Variants in TENM2 observed in about 807,000 individuals in gnomAD.
The protein encoded by TENM2 is teneurin-2.
Under a neutral mutation model 245.2 loss-of-function variants are expected in TENM2, and 52 were observed. The observed-to-expected ratio is 0.21, with a 90% CI of 0.17 to 0.27. The LOEUF is 0.27. Among genes scored for constraint, TENM2 ranks in the 10% least tolerant of loss-of-function variants. The pLI, the probability that TENM2 is intolerant of heterozygous loss-of-function variation, is 1.00. For missense variants in TENM2, 3,046 were observed against 3,666.8 expected, an observed-to-expected ratio of 0.83 and a Z score of 4.37; for synonymous variants, 1,363 against 1,438.9, an observed-to-expected ratio of 0.95 and a Z score of 1.19.
At chr5:167,232,355 C>T in the TENM2 span, among the ~76,000 whole-genome samples, 12 of 150,998 alleles carry the variant, frequency 7.9e-5, no homozygotes, top group African/African-American at 2.9e-4. Context: ...AACTGTGAGT[C>T]CATTAAACCT....
chr5:168,053,426 T>C (rs1164907905), intron 6 of TENM2, among the ~76,000 whole-genome samples: 1 of 152,202 alleles, frequency 6.6e-6, no homozygotes, highest in Non-Finnish European at 1.5e-5. Flanking sequence ...TCTTTCAGAA[T>C]TGACTTGTAC....
intron 2 of TENM2, among the ~76,000 whole-genome samples, chr5:167,446,091 G>GA (rs1765190436): frequency 6.6e-6 from 1 of 152,038 alleles, no homozygotes; most frequent in South Asian, 2.1e-4. Flanking sequence ...CTTGTTTCCG[G>GA]GTAATCACTT....
At chr5:167,784,321 ATG>A (rs1764418003) in intron 2 of TENM2, among the ~76,000 whole-genome samples, 1 of 152,208 alleles carries the variant, frequency 6.6e-6, no homozygotes, top group Non-Finnish European at 1.5e-5. Flanking sequence ...AAACAGAACA[ATG>A]TGTGTGAATA....
chr5:168,040,598 G>A (rs995898237), intron 5 of TENM2, among the ~76,000 whole-genome samples: 1 of 152,124 alleles, frequency 6.6e-6, no homozygotes, highest in Non-Finnish European at 1.5e-5. Flanking sequence ...GGTTAGAAAA[G>A]GATTTTTGGT....
At chr5:168,062,337 C>A (rs987627726) in intron 7 of TENM2, 72 bp downstream of exon 9, 4 of 1,160,818 alleles carry the variant, frequency 3.4e-6, no homozygotes, top group African/African-American at 1.5e-5. Context: ...GTATATATGC[C>A]ACTTCACATC....
At chr5:168,109,751 T>G (rs891931) in intron 9 of TENM2, among the ~76,000 whole-genome samples, 2 of 152,046 alleles carry the variant, frequency 1.3e-5, no homozygotes, top group Non-Finnish European at 2.9e-5. Flanking sequence ...CCCTTGAACT[T>G]TGCTTGGACT....
intron 2 of TENM2, among the ~76,000 whole-genome samples, chr5:167,528,817 C>A (rs568586070): frequency 6.6e-6 from 1 of 152,222 alleles, no homozygotes; most frequent in Non-Finnish European, 1.5e-5. Flanking sequence ...TCTTCACATC[C>A]TTGTCTCTCC....
chr5:167,505,866 G>A (rs960841793), intron 2 of TENM2, among the ~76,000 whole-genome samples: 34 of 152,090 alleles, frequency 2.2e-4, no homozygotes, highest in Admixed American at 1.7e-3. Flanking sequence ...TTGGATGAAG[G>A]AAGTCTGTCT....
At chr5:167,717,602 A>T (rs1278799070) in intron 2 of TENM2, among the ~76,000 whole-genome samples, 1 of 151,866 alleles carries the variant, frequency 6.6e-6, no homozygotes, top group Non-Finnish European at 1.5e-5. Flanking sequence ...AAATTAATTA[A>T]TTTTTTTTGG....
chr5:167,498,098 T>C (rs1768933448), intron 2 of TENM2, among the ~76,000 whole-genome samples: 1 of 152,130 alleles, frequency 6.6e-6, no homozygotes, highest in African/African-American at 2.4e-5. Flanking sequence ...TCTACTCTTC[T>C]GCAGGGCAGG....
At position 168,218,688 on chromosome 5, in the gene TENM2, T is replaced by C. The variant is rs1161631648; in HGVS notation, c.4797T>C (p.Asp1599=). The C allele has an allele frequency of 6.2e-7, 1 of 1,614,046 alleles. No homozygotes were observed. The highest frequency in any genetic ancestry group is 8.5e-7 in the Non-Finnish European group (1 of 1,179,894). ...AGGAGTTATATGTTTTCAACGCTGA[T>C]GGCATCCACCAATACACTGTGAGCC... is the stretch of plus-strand genomic sequence containing the variant. The change falls in exon 23 of 29, where the codon GAT becomes GAC. Residue 1599 remains aspartate, a synonymous_variant. Coordinates refer to ENST00000518659, the Ensembl canonical transcript of TENM2. This position sits in a 1 kb window ranked among gnomAD's most constrained non-coding sequence, Gnocchi z 5.2.
intron 2 of TENM2, among the ~76,000 whole-genome samples, chr5:167,669,389 A>G (rs1266954878): frequency 1.3e-5 from 2 of 152,226 alleles, no homozygotes; most frequent in Non-Finnish European, 2.9e-5. Flanking sequence ...ATGTGTGAAC[A>G]TGTCTTGCTC....
chr5:167,119,012 C>T, the TENM2 span, among the ~76,000 whole-genome samples: 1 of 152,174 alleles, frequency 6.6e-6, no homozygotes, highest in African/African-American at 2.4e-5. Context: ...TGTGTCTATA[C>T]ACGTATGCTT....
At chr5:167,896,358 G>A (rs1775220068) in intron 3 of TENM2, among the ~76,000 whole-genome samples, 1 of 152,214 alleles carries the variant, frequency 6.6e-6, no homozygotes, top group Non-Finnish European at 1.5e-5. Context: ...GTTAGCAGAG[G>A]GGAATGACTG....
intron 1 of TENM2, among the ~76,000 whole-genome samples, chr5:167,304,102 A>G (rs1277443612): frequency 1.3e-5 from 2 of 152,212 alleles, no homozygotes; most frequent in Non-Finnish European, 2.9e-5. Flanking sequence ...ACAATTACAC[A>G]TACGCAACCC....
intron 3 of TENM2, among the ~76,000 whole-genome samples, chr5:167,924,482 CT>C (rs771994803): frequency 3.3e-4 from 50 of 152,148 alleles, no homozygotes; most frequent in Non-Finnish European, 5.4e-4. Flanking sequence ...CAGGCAATAG[CT>C]TTAAAATGGT....
intron 2 of TENM2, among the ~76,000 whole-genome samples, chr5:167,866,582 T>C (rs1372297658): frequency 3.3e-5 from 5 of 151,668 alleles, no homozygotes; most frequent in Admixed American, 6.6e-5. Flanking sequence ...GAATGATTCA[T>C]ATTCAAAAGG....
chr5:168,241,400 A>C (rs1381622865), intron 25 of TENM2, among the ~76,000 whole-genome samples: 2 of 148,854 alleles, frequency 1.3e-5, no homozygotes, highest in African/African-American at 2.5e-5. Context: ...GATTATAGAC[A>C]CATGCTACCA....
At chr5:167,290,413 T>C (rs1035903831) in intron 1 of TENM2, among the ~76,000 whole-genome samples, 1 of 152,208 alleles carries the variant, frequency 6.6e-6, no homozygotes, top group Non-Finnish European at 1.5e-5. Flanking sequence ...TTTCTTTTAA[T>C]AAGTGCTAGT....
Sources: gnomAD v4.1 joint callset for allele counts (sites outside exome capture counted in the v4.1 genomes callset) on GRCh38, gnomAD v4.1.1 for gene constraint, Gnocchi (gnomAD v3.1) non-coding constraint, MANE v1.5 for transcripts, NCBI Gene and HGNC (gene_info 2026-07-23, HGNC 2026-07-21) for gene names.